The following PADI4 variants were observed in gnomAD, a reference collection of about 807,000 sequenced individuals.
PADI4 encodes peptidyl arginine deiminase 4, also known as protein-arginine deiminase type-4.
Under a neutral mutation model 75.0 loss-of-function variants are expected in PADI4, and 62 were observed. That is an observed-to-expected ratio of 0.83 (90% CI 0.67 to 1.02). The LOEUF (loss-of-function observed/expected upper bound fraction) is 1.02. PADI4 is among the 50% of genes least tolerant of loss of function. The pLI is 0.00. For synonymous variants in PADI4, 361 were observed against 348.1 expected (o/e 1.04, Z -0.41); for missense variants, 845 against 850.5 (o/e 0.99, Z 0.08).
In PADI4 at chr1:17,311,571, C is replaced by A. The variant is rs907519236; in HGVS notation, c.92+3257C>A. Among the ~76,000 whole-genome samples, 6 of 151,366 alleles carry A rather than the reference C, an allele frequency of 4.0e-5. No homozygotes were observed. In the East Asian group the frequency reaches 1.2e-3, roughly 30 times the overall value. ...GGAGTCTCGCTCTGTCCAGCCCAGG[C>A]TGGAGTGCAGTGGCAAGATCTTGGC... On this transcript the variant is annotated intron_variant, in intron 1 of 15. Coordinates refer to ENST00000375448, the MANE Select transcript of PADI4 (RefSeq NM_012387.3).
intron 1 of PADI4, among the ~76,000 whole-genome samples, chr1:17,322,625 A>G (rs899346402): frequency 1.2e-4 from 18 of 152,088 alleles, no homozygotes; most frequent in African/African-American, 4.3e-4. Flanking sequence ...GTAGCTTTTT[A>G]TCTTTATAGT....
intron 1 of PADI4, among the ~76,000 whole-genome samples, chr1:17,308,708 C>A (rs1381385234): frequency 6.6e-6 from 1 of 152,090 alleles, no homozygotes; most frequent in African/African-American, 2.4e-5. Flanking sequence ...TTTGTTACCC[C>A]ACATCTCTTA....
chr1:17,362,848 A>T (rs563463958), intron 15 of PADI4, among the ~76,000 whole-genome samples: 1 of 152,264 alleles, frequency 6.6e-6, no homozygotes, highest in Admixed American at 6.5e-5. Flanking sequence ...AATTTTTGAG[A>T]CAGAGTCTCG....
chr1:17,354,470 C>G, intron 10 of PADI4, 63 bp from the exon 11 acceptor site: 2 of 1,482,332 alleles, frequency 1.3e-6, no homozygotes, highest in Middle Eastern at 1.8e-4. Context: ...AAACTTGGAC[C>G]CCCCGACCCT....
In PADI4 at chr1:17,357,804, G is replaced by GCTCA. The variant is rs1352484809; in HGVS notation, c.1559-1033_1559-1032insTCAC. ...AAATTAGCCGGGCGTGGTGGCGGGT[G>GCTCA]CCTGTAATCCCAGCTACTTGGGAGG... On this transcript the variant is annotated intron_variant, in intron 13 of 15. Coordinates refer to ENST00000375448, the MANE Select transcript of PADI4 (RefSeq NM_012387.3). Among the ~76,000 whole-genome samples, 58 of 151,834 alleles carry GCTCA rather than the reference G, an allele frequency of 3.8e-4. 2 individuals carry two copies. The highest frequency in any genetic ancestry group is 2.6e-4 in the Non-Finnish European group (18 of 67,964).
At chr1:17,351,965 G>T (rs866427043) in intron 10 of PADI4, among the ~76,000 whole-genome samples, 1 of 66,244 alleles carries the variant, frequency 1.5e-5, no homozygotes, top group Admixed American at 1.6e-4. Flanking sequence ...GAGGAGAGGC[G>T]GCCAGGGAGG....
intron 8 of PADI4, among the ~76,000 whole-genome samples, chr1:17,343,388 T>C (rs541818264): frequency 2.6e-4 from 39 of 152,150 alleles, no homozygotes; most frequent in African/African-American, 9.4e-4. Flanking sequence ...CAGGAGACCC[T>C]CTCCTCCCCT....
In PADI4 at chr1:17,331,082, C is replaced by T. The variant is rs868245127; in HGVS notation, c.206C>T (p.Pro69Leu). 9 of 1,612,436 alleles carry T rather than the reference C, an allele frequency of 5.6e-6. No individual in the cohort carries two copies. In the African/African-American group the frequency reaches 9.3e-5, roughly 17 times the overall value. Residue 69 changes from proline to leucine, a missense_variant, in exon 2 of 16, where the codon CCC becomes CTC. Physicochemically the swap from Pro to Leu is moderately conservative, Grantham distance 98 (BLOSUM62 -3). Transcript: ENST00000375448. ...KKKSTGSSTW[P>L]LDPGVEVTLT... ...AAATCCACAGGTTCCTCCACATGGC[C>T]CCTGGACCCTGGGGTAGAGGTGACC...
chr1:17,363,713 C>T lies in PADI4; in HGVS notation c.1950C>T (p.Arg650=). 17 of 1,614,160 alleles carry T rather than the reference C, an allele frequency of 1.1e-5. No individual in the cohort carries two copies. The highest frequency in any genetic ancestry group is 1.4e-5 in the Non-Finnish European group (17 of 1,179,960). The stretch of plus-strand genomic sequence containing the variant: ...AGGTGCACTGCGGCACCAACGTGCG[C>T]AGAAAGCCCTTCTCCTTCAAGTGGT... The part of the protein sequence containing the change: ...HGEVHCGTNV[R]RKPFSFKWWN... Residue 650 remains arginine (R), a synonymous_variant, in exon 16 of 16, where the codon CGC becomes CGT. Transcript: ENST00000375448.
intron 1 of PADI4, among the ~76,000 whole-genome samples, chr1:17,315,406 A>G (rs2073915162): frequency 6.6e-6 from 1 of 152,204 alleles, no homozygotes; most frequent in Non-Finnish European, 1.5e-5. Flanking sequence ...TGCATCCCCT[A>G]TAATGTGTGG....
chr1:17,349,811 C>T lies in PADI4; in HGVS notation c.1155+1763C>T, dbSNP rs902907366. On this transcript the variant is annotated intron_variant, in intron 10 of 15. Coordinates refer to ENST00000375448, the MANE Select transcript of PADI4 (RefSeq NM_012387.3). Reference sequence around the variant, plus strand: ...GTCACACTCAGCACCAGGCTTTGGCCCCACCTGCCTCTCCAGCACCATTGT... The same window carrying T: ...GTCACACTCAGCACCAGGCTTTGGCTCCACCTGCCTCTCCAGCACCATTGT... 1.6e-5 allele frequency among the ~76,000 whole-genome samples: 2 copies of T among 127,368 alleles called. 1 individual carries two copies. 83.6% of individuals were successfully genotyped at this position (127,368 alleles called of 152,430 possible).
In PADI4 at chr1:17,363,881, T is replaced by C. The variant is rs34954650; in HGVS notation, c.*126T>C. On this transcript the variant is annotated 3_prime_UTR_variant, in exon 16 of 16. Coordinates refer to ENST00000375448, the MANE Select transcript of PADI4 (RefSeq NM_012387.3). ...GCGGCCAGCCCTCCCAGCAGTGGCTTGCTTTCTTCTCCTGTGATGTCCCAG... is the reference window on the plus strand; with the variant it reads ...GCGGCCAGCCCTCCCAGCAGTGGCTCGCTTTCTTCTCCTGTGATGTCCCAG... 8,586 of 634,324 alleles carry C rather than the reference T, an allele frequency of 0.014. 94 individuals carry two copies. Among genetic ancestry groups the C allele is most frequent in the Middle Eastern group, 0.036 (138 of 3,870 alleles). 39.3% of individuals were successfully genotyped at this position (634,324 alleles called of 1,614,324 possible).
In PADI4 at chr1:17,334,173, C is replaced by T. The variant is rs1027584317; in HGVS notation, c.340+164C>T. On this transcript the variant is annotated intron_variant, in intron 3 of 15. Coordinates refer to ENST00000375448, the MANE Select transcript of PADI4 (RefSeq NM_012387.3). The stretch of plus-strand genomic sequence containing the variant: ...CAGACATCTGGGAGTTCGAAATATT[C>T]CATCCTTAGTCAGTGAACCACAAAG... 23 of 608,820 alleles carry T rather than the reference C, an allele frequency of 3.8e-5. No individual in the cohort carries two copies. The South Asian group carries it at 4.2e-4, about 11-fold the overall frequency. 37.7% of individuals were successfully genotyped at this position (608,820 alleles called of 1,614,324 possible).
At chr1:17,314,428 G>A (rs986742943) in intron 1 of PADI4, among the ~76,000 whole-genome samples, 18 of 152,228 alleles carry the variant, frequency 1.2e-4, no homozygotes, top group African/African-American at 4.3e-4. Context: ...TATCATAAAT[G>A]GAGGCACCTG....
chr1:17,345,279 G>A (rs1167923422), intron 8 of PADI4, among the ~76,000 whole-genome samples: 1 of 152,170 alleles, frequency 6.6e-6, no homozygotes, highest in Non-Finnish European at 1.5e-5. Context: ...ATTGTATCTA[G>A]GAAGTAACTA....
intron 4 of PADI4, 23 bp from the exon 5 acceptor site, chr1:17,338,015 G>T (rs768232839): frequency 4.8e-6 from 7 of 1,466,344 alleles, no homozygotes; most frequent in South Asian, 3.4e-5. Context: ...TTCTGAGCAT[G>T]ACTCTTCCCT....
chr1:17,354,386 C>T (rs1337793521), intron 10 of PADI4, 147 bp from the exon 11 acceptor site: 1 of 719,972 alleles, frequency 1.4e-6, no homozygotes, highest in Non-Finnish European at 2.5e-6. Context: ...TAACCTTCCA[C>T]ATGTGATAAC....
intron 14 of PADI4, 79 bp downstream of exon 14, chr1:17,358,987 A>G: frequency 1.1e-6 from 1 of 951,542 alleles, no homozygotes; most frequent in Non-Finnish European, 1.6e-6. Context: ...GATTAGAGGC[A>G]CACAGAGGCT....
chr1:17,341,917 C>T, intron 6 of PADI4, 26 bp from the exon 7 acceptor site: 1 of 1,596,556 alleles, frequency 6.3e-7, no homozygotes, highest in Non-Finnish European at 8.6e-7. Flanking sequence ...GGACGCAGAC[C>T]TGAGTCTCCC....
Sources: gnomAD v4.1 joint callset for allele counts (sites outside exome capture counted in the v4.1 genomes callset) on GRCh38, gnomAD v4.1.1 for gene constraint, MANE v1.5 for transcripts, NCBI Gene and HGNC (gene_info 2026-07-23, HGNC 2026-07-21) for gene names.